FGF13: variants seen among roughly 807,000 people sequenced by gnomAD.
FGF13 encodes the protein fibroblast growth factor 13, also known as fibroblast growth factor homologous factor 2.
FGF13 carries 2 observed loss-of-function variants against 19.5 expected under a neutral mutation model. The ratio of observed to expected loss-of-function variants is 0.10; its 90% CI spans 0.04 to 0.32. FGF13 has a LOEUF of 0.32. Ranked by LOEUF, FGF13 falls within the 10% of genes least tolerant of loss-of-function variation. The probability of loss-of-function intolerance (pLI) is 1.00; values close to 1 mark genes in which losing one functional copy is unlikely to be tolerated. For missense variants in FGF13, 113 were observed against 192.7 expected (o/e 0.59, Z 2.45); for synonymous variants, 72 against 76.9 (o/e 0.94, Z 0.33).
At chrX:139,190,712 T>C in intron 1 of FGF13, among the ~76,000 whole-genome samples, 1 of 112,363 alleles carries the variant, frequency 8.9e-6, no homozygotes, top group African/African-American at 3.2e-5. Context: ...CTGGATACCA[T>C]AGAATTGACT....
chrX:138,929,842 G>A (rs2091692477), intron 1 of FGF13, among the ~76,000 whole-genome samples: 2 of 95,544 alleles, frequency 2.1e-5, no homozygotes, highest in African/African-American at 3.9e-5. Flanking sequence ...CCATTGTTGT[G>A]AACTGCCTTA....
intron 1 of FGF13, among the ~76,000 whole-genome samples, chrX:138,909,361 A>G (rs1961773856): frequency 9.0e-6 from 1 of 111,715 alleles, no homozygotes; most frequent in African/African-American, 3.3e-5. Context: ...AGAATGTCCC[A>G]AAACCCAGAG....
At chrX:139,189,641 G>C (rs1485968410) in intron 1 of FGF13, among the ~76,000 whole-genome samples, 1 of 111,656 alleles carries the variant, frequency 9.0e-6, no homozygotes, top group Non-Finnish European at 1.9e-5. Flanking sequence ...CAAACCCATA[G>C]AGACAAAGTA....
chrX:138,919,594 G>A (rs2091634614), intron 1 of FGF13, among the ~76,000 whole-genome samples: 1 of 111,815 alleles, frequency 8.9e-6, no homozygotes, highest in Admixed American at 9.5e-5. Flanking sequence ...AATTGTTGCT[G>A]AGTTAAAAAG....
At chrX:139,126,965 C>T (rs2083720946) in intron 1 of FGF13, among the ~76,000 whole-genome samples, 1 of 111,663 alleles carries the variant, frequency 9.0e-6, no homozygotes, top group Admixed American at 9.5e-5. Flanking sequence ...CGCGACACCA[C>T]AACCAATGTG....
At chrX:138,727,199 T>A (rs1199289837) in intron 1 of FGF13, among the ~76,000 whole-genome samples, 1 of 109,518 alleles carries the variant, frequency 9.1e-6, no homozygotes, top group Admixed American at 9.8e-5. Context: ...ATAAGGCAAA[T>A]TTTACTCTGT....
chrX:138,921,971 C>CAAAAAAAAA (rs35464038), intron 1 of FGF13, among the ~76,000 whole-genome samples: 3 of 67,510 alleles, frequency 4.4e-5, no homozygotes, highest in South Asian at 1.2e-3. Flanking sequence ...TTATGGAACT[C>CAAAAAAAAA]AAAAAAAAAA....
intron 3 of FGF13, among the ~76,000 whole-genome samples, chrX:138,646,617 T>C (rs1159764402): frequency 8.9e-6 from 1 of 111,931 alleles, no homozygotes; most frequent in Non-Finnish European, 1.9e-5. Context: ...AAGTTCACTC[T>C]TCTACTGCAA....
At chrX:138,815,196 T>C (rs977568927) in intron 3 of FGF13, among the ~76,000 whole-genome samples, 1 of 109,725 alleles carries the variant, frequency 9.1e-6, no homozygotes, top group Non-Finnish European at 1.9e-5. Flanking sequence ...GGAGGGGTGA[T>C]GGGGTTGGTT....
intron 1 of FGF13, among the ~76,000 whole-genome samples, chrX:139,040,749 C>T (rs1261169632): frequency 9.0e-6 from 1 of 110,573 alleles, no homozygotes; most frequent in Admixed American, 9.7e-5. Flanking sequence ...GATGCATGCA[C>T]ACGTATGTAT....
chrX:139,081,259 A>C (rs2124441570), intron 1 of FGF13, among the ~76,000 whole-genome samples: 1 of 111,493 alleles, frequency 9.0e-6, no homozygotes, highest in East Asian at 2.9e-4. Context: ...TGCAGCATTC[A>C]TAGAGTTGAT....
At chrX:139,130,638 T>A (rs1360998406) in intron 1 of FGF13, among the ~76,000 whole-genome samples, 1 of 111,940 alleles carries the variant, frequency 8.9e-6, no homozygotes, top group East Asian at 2.8e-4. Flanking sequence ...GGCATTACTT[T>A]TTCCTTATTA....
chrX:139,047,843 A>T (rs1465875801), intron 1 of FGF13, among the ~76,000 whole-genome samples: 2 of 111,747 alleles, frequency 1.8e-5, no homozygotes, highest in Non-Finnish European at 3.8e-5. Context: ...TGTTTCAACA[A>T]ATTTGTAATT....
chrX:139,118,230 T>C (rs990661297), intron 1 of FGF13, among the ~76,000 whole-genome samples: 3 of 112,017 alleles, frequency 2.7e-5, no homozygotes, highest in Non-Finnish European at 5.6e-5. Flanking sequence ...CTACTTACAA[T>C]GGGGTTACAG....
Position 138,635,672 on chromosome X carries a change from TAAAC to T in FGF13, c.403-21_403-18del, listed in dbSNP as rs745995594. The T allele has an allele frequency of 1.9e-5, 22 of 1,164,438 alleles. No individual in the cohort carries two copies. The Admixed American group carries it at 3.5e-4, about 19-fold the overall frequency. On this transcript the variant is annotated intron_variant, in intron 3 of 4. Coordinates refer to ENST00000315930, the MANE Select transcript of FGF13 (RefSeq NM_004114.5). ...GAAAAGTTCCTGCAACAAAAGTAAA[TAAAC>T]AAAAGTTCAGTGTTTATAGCTATGA...
intron 1 of FGF13, among the ~76,000 whole-genome samples, chrX:139,014,324 G>A (rs1333490593): frequency 9.0e-6 from 1 of 111,305 alleles, no homozygotes; most frequent in African/African-American, 3.3e-5. Context: ...CTAAAAGTTG[G>A]TGTTTTGAAA....
intron 1 of FGF13, among the ~76,000 whole-genome samples, chrX:139,182,975 C>T (rs995327958): frequency 9.9e-5 from 11 of 111,196 alleles, no homozygotes; most frequent in African/African-American, 3.3e-4. Context: ...TCAAGGGCAC[C>T]CAGTTCCTGT....
At chrX:139,136,345 G>A (rs2083801023) in intron 1 of FGF13, among the ~76,000 whole-genome samples, 1 of 86,683 alleles carries the variant, frequency 1.2e-5, no homozygotes, top group African/African-American at 4.3e-5. Flanking sequence ...ATTTATCCCT[G>A]CCCCCCCACC....
At chrX:138,970,295 C>G (rs370626579) in intron 1 of FGF13, among the ~76,000 whole-genome samples, 1 of 111,154 alleles carries the variant, frequency 9.0e-6, no homozygotes, top group African/African-American at 3.3e-5. Context: ...AATAATTAAG[C>G]GGAGGAAGAG....
Sources: gnomAD v4.1 joint callset for allele counts (sites outside exome capture counted in the v4.1 genomes callset) on GRCh38, gnomAD v4.1.1 for gene constraint, MANE v1.5 for transcripts, NCBI Gene and HGNC (gene_info 2026-07-23, HGNC 2026-07-21) for gene names.